The following CLDN16 variants were observed in gnomAD, a reference collection of about 807,000 sequenced individuals.
CLDN16 encodes the protein claudin 16.
A neutral mutation model predicts 24.6 loss-of-function variants in CLDN16; 13 were observed. The observed-to-expected ratio is 0.53, with a 90% confidence interval of 0.34 to 0.84. The LOEUF is 0.84. CLDN16 is among the 40% of genes least tolerant of loss of function. The pLI is 0.01. For synonymous variants in CLDN16, 116 were observed against 106.7 expected (o/e 1.09, Z -0.54); for missense variants, 298 against 292.7 (o/e 1.02, Z -0.13).
At chr3:190,362,358 TC>T (rs1225132526) in intron 1 of CLDN16, among the ~76,000 whole-genome samples, 2 of 151,870 alleles carry the variant, frequency 1.3e-5, no homozygotes, top group African/African-American at 2.4e-5. Context: ...AGTTCTGCGA[TC>T]CCACCCAGGA....
chr3:190,388,205 A>G lies in CLDN16; in HGVS notation c.-125A>G. ...AGACACCTGCAGCAGGGCGTGAGAA[A>G]AAGTAAAAGACCAGTATTTTCACAT... On this transcript the variant is annotated 5_prime_UTR_variant, in exon 1 of 5. Coordinates refer to ENST00000264734, the MANE Select transcript of CLDN16 (RefSeq NM_006580.4). 1 of 1,614,096 alleles carries G rather than the reference A, an allele frequency of 6.2e-7. No individual in the cohort carries two copies. The highest frequency in any genetic ancestry group is 8.5e-7 in the Non-Finnish European group (1 of 1,180,008).
At chr3:190,295,729 A>T in the CLDN16 span, among the ~76,000 whole-genome samples, 1 of 151,932 alleles carries the variant, frequency 6.6e-6, no homozygotes, top group Non-Finnish European at 1.5e-5. Context: ...CAATTTGTAT[A>T]AAAGGAGATC....
At chr3:190,377,112 C>A (rs1718263324) in intron 3 of CLDN16, among the ~76,000 whole-genome samples, 2 of 151,856 alleles carry the variant, frequency 1.3e-5, no homozygotes, top group African/African-American at 4.8e-5. Context: ...TTCAAAGGAA[C>A]TGTATGCATT....
upstream of CLDN16, chr3:190,322,028 C>G: frequency 1.2e-6 from 2 of 1,614,204 alleles, no homozygotes; most frequent in Non-Finnish European, 1.7e-6. Flanking sequence ...CTGGATCTGC[C>G]CGGTGCTCTG....
At chr3:190,335,379 T>C (rs1717277876) in intron 1 of CLDN16, among the ~76,000 whole-genome samples, 1 of 152,058 alleles carries the variant, frequency 6.6e-6, no homozygotes, top group South Asian at 2.1e-4. Flanking sequence ...CATCTTCATC[T>C]AGCTTCTTCC....
intron 1 of CLDN16, among the ~76,000 whole-genome samples, chr3:190,353,840 C>T (rs1321572333): frequency 6.6e-6 from 1 of 152,042 alleles, no homozygotes; most frequent in Non-Finnish European, 1.5e-5. Context: ...CTCATGGTTT[C>T]TGTACTAGTT....
At chr3:190,334,734 T>C (rs981766887) in intron 1 of CLDN16, among the ~76,000 whole-genome samples, 6 of 152,210 alleles carry the variant, frequency 3.9e-5, no homozygotes, top group African/African-American at 1.4e-4. Flanking sequence ...GCTACAGGTA[T>C]TGGTTACTAG....
Position 190,327,767 on chromosome 3 carries a change from T to C in CLDN16, n.121+5106T>C, listed in dbSNP as rs188381050. Among the ~76,000 whole-genome samples, 76 of 152,290 alleles carry C rather than the reference T, an allele frequency of 5.0e-4. 1 individual carries two copies. The highest frequency in any genetic ancestry group is 1.8e-3 in the African/African-American group (74 of 41,564). On this transcript the variant is annotated intron_variant and non_coding_transcript_variant, in intron 1 of 4. Coordinates refer to the CLDN16 transcript ENST00000468220. ...ATCAGGCCACCAAATCAGAGTCATA[T>C]CAGAGTGAATAGGAAGTACTCAGTA...
intron 1 of CLDN16, among the ~76,000 whole-genome samples, chr3:190,400,497 C>T (rs1229685273): frequency 2.0e-5 from 3 of 152,206 alleles, no homozygotes; most frequent in African/African-American, 7.2e-5. Flanking sequence ...TCCCAAAGTG[C>T]TGGGATTACA....
upstream of CLDN16, among the ~76,000 whole-genome samples, chr3:190,384,245 G>A (rs1241679298): frequency 6.6e-6 from 1 of 152,146 alleles, no homozygotes; most frequent in African/African-American, 2.4e-5. Flanking sequence ...GTATAAGTCA[G>A]TTTACTCCTT....
intron 1 of CLDN16, among the ~76,000 whole-genome samples, chr3:190,357,046 C>G (rs1435830340): frequency 6.6e-6 from 1 of 151,858 alleles, no homozygotes; most frequent in Non-Finnish European, 1.5e-5. Flanking sequence ...CTGATATATT[C>G]AAAGTATATG....
intron 1 of CLDN16, among the ~76,000 whole-genome samples, chr3:190,347,648 A>G (rs1047882879): frequency 3.3e-5 from 5 of 152,238 alleles, no homozygotes; most frequent in African/African-American, 1.2e-4. Flanking sequence ...CAGATAATAA[A>G]CAACAAAGAT....
intron 3 of CLDN16, among the ~76,000 whole-genome samples, chr3:190,405,673 C>T (rs183191228): frequency 1.3e-5 from 2 of 152,094 alleles, no homozygotes; most frequent in Non-Finnish European, 2.9e-5. Flanking sequence ...ACTTGTCCCA[C>T]GTACTAACCC....
the CLDN16 span, among the ~76,000 whole-genome samples, chr3:190,297,334 G>A: frequency 6.6e-6 from 1 of 151,050 alleles, no homozygotes; most frequent in Non-Finnish European, 1.5e-5. Context: ...AGACAGACAC[G>A]AGGCAGGATG....
intron 2 of CLDN16, 45 bp downstream of exon 2, chr3:190,402,484 A>T: frequency 4.9e-6 from 7 of 1,431,714 alleles, no homozygotes; most frequent in Non-Finnish European, 6.9e-6. Context: ...AGGGAAAGGG[A>T]CAGAAAACTG....
chr3:190,298,666 G>A, the CLDN16 span, among the ~76,000 whole-genome samples: 40 of 152,138 alleles, frequency 2.6e-4, no homozygotes, highest in African/African-American at 8.7e-4. Flanking sequence ...TGTTTCTCCC[G>A]ACCTCAGGTG....
At chr3:190,308,589 A>C in the CLDN16 span, 1 of 760,542 alleles carries the variant, frequency 1.3e-6, no homozygotes, top group Middle Eastern at 3.3e-4. Context: ...AGATTTCTGA[A>C]CATACACGCC....
chr3:190,370,540 G>A lies in CLDN16; in HGVS notation n.122-353G>A, dbSNP rs139459786. Among the ~76,000 whole-genome samples, 51 of 152,014 alleles carry A rather than the reference G, an allele frequency of 3.4e-4. No individual in the cohort carries two copies. In the East Asian group the frequency reaches 8.0e-3, roughly 24 times the overall value. ...CTTGTTGTGCATAACTTACCTGCAG[G>A]GGTGTAATTCACATGGCTATGATCT... On this transcript the variant is annotated intron_variant and non_coding_transcript_variant, in intron 1 of 4. Coordinates refer to the CLDN16 transcript ENST00000468220.
In CLDN16 at chr3:190,359,565, G is replaced by T. The variant is rs1282678718; in HGVS notation, n.122-11328G>T. ...TTAGTCAACTATCACCTAGTGAAAA[G>T]ATTTTAAATGTTAACATTAGTACTA... On this transcript the variant is annotated intron_variant and non_coding_transcript_variant, in intron 1 of 4. Transcript: ENST00000468220. 2.0e-5 allele frequency among the ~76,000 whole-genome samples: 3 copies of T among 151,990 alleles called. No homozygotes were observed. In the South Asian group the frequency reaches 6.2e-4, roughly 31 times the overall value.
Sources: allele counts gnomAD v4.1 joint callset (sites outside exome capture counted in the v4.1 genomes callset), GRCh38; gene constraint gnomAD v4.1.1; transcripts MANE v1.5; gene names NCBI Gene and HGNC (gene_info 2026-07-23, HGNC 2026-07-21).